The following MSH4 variants were observed in gnomAD, a reference collection of about 807,000 sequenced individuals.
MSH4 encodes the protein mutS homolog 4.
Under a neutral mutation model 113.7 loss-of-function variants are expected in MSH4, and 106 were observed. That is an observed-to-expected ratio of 0.93 (90% CI 0.80 to 1.10). The LOEUF is 1.10. Among genes scored for constraint, MSH4 ranks in the 50% least tolerant of loss-of-function variants. The pLI is 0.00. For missense variants in MSH4, 1,061 were observed against 1,093.7 expected (o/e 0.97, Z 0.42); for synonymous variants, 368 against 380.2 (o/e 0.97, Z 0.37).
At chr1:75,884,120 A>G (rs1322555915) in intron 15 of MSH4, among the ~76,000 whole-genome samples, 2 of 152,206 alleles carry the variant, frequency 1.3e-5, no homozygotes, top group Non-Finnish European at 2.9e-5. Flanking sequence ...GAATCATGCA[A>G]TTATTTCTGG....
chr1:75,904,387 TG>T (rs1652574667), intron 19 of MSH4, among the ~76,000 whole-genome samples: 1 of 152,196 alleles, frequency 6.6e-6, no homozygotes, highest in African/African-American at 2.4e-5. Context: ...AGAATGAGTT[TG>T]GAAGTGTTCC....
chr1:75,912,152 G>T (rs1442841702), intron 19 of MSH4, among the ~76,000 whole-genome samples: 4 of 151,878 alleles, frequency 2.6e-5, no homozygotes, highest in African/African-American at 9.7e-5. Flanking sequence ...TTTTCTCTTA[G>T]GCTCCAGCAG....
At chr1:75,822,124 A>G (rs933394427) in intron 6 of MSH4, among the ~76,000 whole-genome samples, 1 of 152,018 alleles carries the variant, frequency 6.6e-6, no homozygotes, top group Non-Finnish European at 1.5e-5. Flanking sequence ...TACTAAAAAT[A>G]CAAAAATACA....
chr1:75,868,628 C>T (rs1464892265), intron 9 of MSH4, among the ~76,000 whole-genome samples: 2 of 152,130 alleles, frequency 1.3e-5, no homozygotes, highest in African/African-American at 4.8e-5. Flanking sequence ...GTAAGAATCC[C>T]CACATTTCAA....
rs143774302 is a variant in MSH4 at position 75,834,777 on chromosome 1, G to A, written c.1162+12196G>A. Among the ~76,000 whole-genome samples the A allele has an allele frequency of 2.9e-3, 443 of 152,248 alleles. 5 individuals carry two copies. The highest frequency in any genetic ancestry group is 0.01 in the African/African-American group (424 of 41,562). On this transcript the variant is annotated intron_variant, in intron 7 of 19. Transcript: ENST00000263187. ...AAGGAACCACACACCAGGGTCTGTCGTGGGGTCAGGGGATGGGGGAGGGAT... is the reference window on the plus strand; with the variant it reads ...AAGGAACCACACACCAGGGTCTGTCATGGGGTCAGGGGATGGGGGAGGGAT...
intron 7 of MSH4, among the ~76,000 whole-genome samples, chr1:75,829,437 G>A (rs1002304426): frequency 1.3e-5 from 2 of 152,164 alleles, no homozygotes; most frequent in African/African-American, 2.4e-5. Flanking sequence ...GAAGAGACTG[G>A]TGGTTCTCCC....
chr1:75,810,998 A>G (rs1650179319), intron 4 of MSH4, among the ~76,000 whole-genome samples, 191 bp downstream of exon 4: 2 of 152,034 alleles, frequency 1.3e-5, no homozygotes. Flanking sequence ...CAGCCTCCCA[A>G]GTAGCTGGGA....
chr1:75,892,845 A>G (rs935068085), intron 17 of MSH4, among the ~76,000 whole-genome samples: 1 of 152,144 alleles, frequency 6.6e-6, no homozygotes, highest in Non-Finnish European at 1.5e-5. Context: ...CCTGGGATCC[A>G]TGGATCCCTG....
chr1:75,815,013 C>G lies in MSH4; in HGVS notation c.700-8C>G, dbSNP rs778624575. On this transcript the variant is annotated splice_region_variant and splice_polypyrimidine_tract_variant and intron_variant, in intron 4 of 19. Transcript: ENST00000263187. Reference sequence around the variant, plus strand: ...AAACTTTATTTTGAAATTAAAACTTCTTTTCAGAATGTTAATTTCACTACT... The same window carrying G: ...AAACTTTATTTTGAAATTAAAACTTGTTTTCAGAATGTTAATTTCACTACT... 3 of 1,525,966 alleles carry G rather than the reference C, an allele frequency of 2.0e-6. No homozygotes were observed. Among genetic ancestry groups the G allele is most frequent in the South Asian group, 1.1e-5 (1 of 87,018 alleles). 94.5% of individuals were successfully genotyped at this position (1,525,966 alleles called of 1,614,324 possible). A position where few individuals can be genotyped will look rare whatever the true frequency, so the allele number is the denominator to read the frequency against.
At chr1:75,830,435 G>C (rs1289544694) in intron 7 of MSH4, among the ~76,000 whole-genome samples, 1 of 152,084 alleles carries the variant, frequency 6.6e-6, no homozygotes, top group East Asian at 1.9e-4. Context: ...AGGAAATACA[G>C]AGAACGCCGC....
Position 75,802,878 on chromosome 1 carries a change from G to GT in MSH4, c.245-852dup, listed in dbSNP as rs556394317. Among the ~76,000 whole-genome samples the GT allele has an allele frequency of 2.4e-3, 371 of 152,320 alleles. 1 individual carries two copies. The highest frequency in any genetic ancestry group is 8.4e-3 in the African/African-American group (349 of 41,564). ...GGGTCTTTGTGCTGGTGGAGTCTCT[G>GT]TAGAGTCCTGTAGTGGTACAGGGCA... On this transcript the variant is annotated intron_variant, in intron 1 of 19. Transcript: ENST00000263187.
At chr1:75,872,332 C>T (rs76260657) in intron 9 of MSH4, among the ~76,000 whole-genome samples, 41,818 of 151,684 alleles carry the variant, frequency 0.28, 6,033 homozygotes, top group Middle Eastern at 0.37. Flanking sequence ...GTTAAGATAA[C>T]AAAAACAAAA....
intron 8 of MSH4, among the ~76,000 whole-genome samples, chr1:75,854,702 T>A (rs1651278287): frequency 6.6e-6 from 1 of 152,188 alleles, no homozygotes; most frequent in African/African-American, 2.4e-5. Context: ...TCAGTATATA[T>A]GGAGGGTTCT....
chr1:75,858,403 T>C (rs1014354357), intron 8 of MSH4, among the ~76,000 whole-genome samples: 27 of 152,268 alleles, frequency 1.8e-4, no homozygotes, highest in African/African-American at 6.5e-4. Context: ...GCTGTAGATT[T>C]GTCATTAATA....
intron 19 of MSH4, among the ~76,000 whole-genome samples, chr1:75,911,615 G>T (rs1284857407): frequency 2.0e-5 from 3 of 151,878 alleles, no homozygotes; most frequent in African/African-American, 4.8e-5. Context: ...ATCATGTGAG[G>T]TTTACATTTT....
chr1:75,900,576 G>A (rs1652485830), intron 19 of MSH4, among the ~76,000 whole-genome samples: 1 of 152,038 alleles, frequency 6.6e-6, no homozygotes, highest in Non-Finnish European at 1.5e-5. Context: ...CAAAGTGCTG[G>A]GATTACAGGT....
chr1:75,837,651 G>T lies in MSH4; in HGVS notation c.1163-10558G>T, dbSNP rs567420281. Among the ~76,000 whole-genome samples, 3 of 152,140 alleles carry T rather than the reference G, an allele frequency of 2.0e-5. No homozygotes were observed. In the South Asian group the frequency reaches 6.2e-4, roughly 31 times the overall value. On this transcript the variant is annotated intron_variant, in intron 7 of 19. Coordinates refer to ENST00000263187, the MANE Select transcript of MSH4 (RefSeq NM_002440.4). Reference sequence around the variant, plus strand: ...GATCCACCAGCCTCGGCCTCCCAATGTGCTGGGATTACAGGCGTGAACCAC... The same window carrying T: ...GATCCACCAGCCTCGGCCTCCCAATTTGCTGGGATTACAGGCGTGAACCAC...
chr1:75,871,785 A>G (rs1000212151), intron 9 of MSH4, among the ~76,000 whole-genome samples: 3 of 152,224 alleles, frequency 2.0e-5, no homozygotes, highest in Admixed American at 6.5e-5. Context: ...ATGTCCAACA[A>G]TGGTCATTAC....
chr1:75,871,516 A>G (rs768103530), intron 9 of MSH4, among the ~76,000 whole-genome samples: 6 of 152,248 alleles, frequency 3.9e-5, no homozygotes, highest in Admixed American at 6.5e-5. Context: ...CTCATCATTA[A>G]TCAAAGCAAT....
Sources: gnomAD v4.1 joint callset for allele counts (sites outside exome capture counted in the v4.1 genomes callset) on GRCh38, gnomAD v4.1.1 for gene constraint, MANE v1.5 for transcripts, NCBI Gene and HGNC (gene_info 2026-07-23, HGNC 2026-07-21) for gene names.